The following ARHGAP39 variants were observed in gnomAD, a reference collection of about 807,000 sequenced individuals.
The protein encoded by ARHGAP39 is Rho GTPase activating protein 39, also known as rho GTPase-activating protein 39.
A neutral mutation model predicts 106.9 loss-of-function variants in ARHGAP39; 44 were observed. The observed-to-expected ratio is 0.41, with a 90% confidence interval of 0.32 to 0.53. The LOEUF is 0.53. Among genes scored for constraint, ARHGAP39 ranks in the 20% least tolerant of loss-of-function variants. The pLI, the probability that ARHGAP39 is intolerant of heterozygous loss-of-function variation, is 0.21. For synonymous variants in ARHGAP39, 768 were observed against 693.2 expected (o/e 1.11, Z -1.69); for missense variants, 1,496 against 1,577.3 (o/e 0.95, Z 0.87).
intron 2 of ARHGAP39, among the ~76,000 whole-genome samples, chr8:144,605,334 C>T (rs955040011): frequency 1.6e-4 from 25 of 152,182 alleles, no homozygotes; most frequent in African/African-American, 5.3e-4. Flanking sequence ...CATGGCGACC[C>T]GCATCTGCAG....
At chr8:144,534,611 C>T (rs981955788) in intron 7 of ARHGAP39, among the ~76,000 whole-genome samples, 15 of 152,214 alleles carry the variant, frequency 9.9e-5, no homozygotes, top group Admixed American at 7.8e-4. Context: ...GGCAGGAGCC[C>T]CTGGAGGAGT....
At chr8:144,576,358 GA>G (rs1322179902) in intron 3 of ARHGAP39, among the ~76,000 whole-genome samples, 1 of 99,744 alleles carries the variant, frequency 1.0e-5, no homozygotes, top group Non-Finnish European at 2.1e-5. Flanking sequence ...AAAAAAAAAA[GA>G]ACGAAAAAAA....
Position 144,580,896 on chromosome 8 carries a change from C to A in ARHGAP39, c.462G>T (p.Ala154=). Residue 154 remains alanine (A), a synonymous_variant, in exon 3 of 12, where the codon GCG becomes GCT. Coordinates refer to ENST00000377307, the MANE Select transcript of ARHGAP39 (RefSeq NM_025251.3). ...CAAACGCCGCGGGCCGCCCGGCCCT[C>A]GCTGGCAACTCCTGCGCTTTCTCAG... is the stretch of plus-strand genomic sequence containing the variant. The part of the protein sequence containing the change: ...PDTEKAQELP[A]RAGRPAAFGT... The A allele has an allele frequency of 6.3e-7, 1 of 1,596,160 alleles. No individual in the cohort carries two copies.
intron 5 of ARHGAP39, among the ~76,000 whole-genome samples, 197 bp downstream of exon 5, chr8:144,546,930 G>A (rs998530167): frequency 6.6e-6 from 1 of 152,208 alleles, no homozygotes; most frequent in African/African-American, 2.4e-5. Flanking sequence ...CACACCCCAC[G>A]GGGCCTCCTC....
chr8:144,689,243 A>G (rs1241173605), upstream of ARHGAP39, among the ~76,000 whole-genome samples: 4 of 150,100 alleles, frequency 2.7e-5, no homozygotes, highest in Non-Finnish European at 5.9e-5. Flanking sequence ...TTTTTTTTTT[A>G]CAAATATTTA....
chr8:144,639,338 A>AAAG (rs1554610291), intron 1 of ARHGAP39, among the ~76,000 whole-genome samples: 33 of 146,340 alleles, frequency 2.3e-4, no homozygotes, highest in African/African-American at 8.4e-4. Context: ...AAAAAAAAAA[A>AAAG]AAAGAAAGAA....
At chr8:144,543,575 G>C (rs909588364) in intron 6 of ARHGAP39, among the ~76,000 whole-genome samples, 1 of 152,238 alleles carries the variant, frequency 6.6e-6, no homozygotes, top group Non-Finnish European at 1.5e-5. Context: ...AACCCAGACG[G>C]TGCTGTTGGC....
intron 1 of ARHGAP39, among the ~76,000 whole-genome samples, chr8:144,658,691 A>C (rs1178024739): frequency 6.6e-6 from 1 of 152,146 alleles, no homozygotes. Flanking sequence ...ACAAACAGCG[A>C]AAGACTGACT....
chr8:144,581,445 C>T (rs1215492520), intron 2 of ARHGAP39, among the ~76,000 whole-genome samples, 168 bp from the exon 3 acceptor site: 3 of 152,214 alleles, frequency 2.0e-5, no homozygotes, highest in African/African-American at 7.2e-5. Context: ...CCTGAGCACC[C>T]GCAACCGGGG....
At chr8:144,598,295 G>A (rs1240642566) in intron 2 of ARHGAP39, among the ~76,000 whole-genome samples, 1 of 152,214 alleles carries the variant, frequency 6.6e-6, no homozygotes, top group East Asian at 1.9e-4. Flanking sequence ...TCGGAACCCA[G>A]CCGTGGGCTT....
At position 144,675,066 on chromosome 8, in the gene ARHGAP39, C is replaced by T. The variant is rs1402037043; in HGVS notation, c.-82+10620G>A. Among the ~76,000 whole-genome samples, 4 of 152,110 alleles carry T rather than the reference C, an allele frequency of 2.6e-5. No homozygotes were observed. In the East Asian group the frequency reaches 7.7e-4, roughly 29 times the overall value. ...GTGCCCAGGAGGGCCAGGCTCCCAC[C>T]CCTCCAACTTGGAAGGGGGTGCAGC... On this transcript the variant is annotated intron_variant, in intron 1 of 11. Transcript: ENST00000377307.
intron 1 of ARHGAP39, among the ~76,000 whole-genome samples, chr8:144,614,975 GA>G (rs1820596606): frequency 6.6e-6 from 1 of 152,130 alleles, no homozygotes; most frequent in Admixed American, 6.5e-5. Context: ...GTATGATGTT[GA>G]AAAACTAAGA....
At chr8:144,698,620 A>C in the ARHGAP39 span, 1 of 283,954 alleles carries the variant, frequency 3.5e-6, no homozygotes, top group Non-Finnish European at 7.0e-6. Context: ...TTTTTTGGCA[A>C]TTAGTTAATT....
chr8:144,589,135 G>A (rs925147609), intron 2 of ARHGAP39, among the ~76,000 whole-genome samples: 3 of 152,196 alleles, frequency 2.0e-5, no homozygotes, highest in African/African-American at 7.2e-5. Context: ...CGAGGGTATC[G>A]GTGGCCGGAG....
intron 7 of ARHGAP39, 98 bp downstream of exon 7, chr8:144,537,623 C>G (rs978433436): frequency 2.9e-5 from 29 of 1,005,412 alleles, no homozygotes; most frequent in Non-Finnish European, 4.2e-5. Flanking sequence ...CCATCCCCCC[C>G]GCCCAGAAGC....
chr8:144,642,951 T>G (rs1477569149), intron 1 of ARHGAP39, among the ~76,000 whole-genome samples: 4 of 151,922 alleles, frequency 2.6e-5, no homozygotes, highest in Non-Finnish European at 5.9e-5. Context: ...AGATTGAGGC[T>G]GCCGTGAGCC....
chr8:144,539,202 C>T (rs1817089571), intron 6 of ARHGAP39, among the ~76,000 whole-genome samples: 1 of 152,138 alleles, frequency 6.6e-6, no homozygotes, highest in Non-Finnish European at 1.5e-5. Context: ...TGAGGAAGCC[C>T]CTGTGTGCAC....
intron 1 of ARHGAP39, among the ~76,000 whole-genome samples, chr8:144,651,266 A>G (rs1228035874): frequency 6.6e-6 from 1 of 152,206 alleles, no homozygotes; most frequent in African/African-American, 2.4e-5. Flanking sequence ...AAACACAAAC[A>G]AACAGAAAAA....
chr8:144,542,896 A>G (rs1435715515), intron 6 of ARHGAP39, among the ~76,000 whole-genome samples: 1 of 150,822 alleles, frequency 6.6e-6, no homozygotes, highest in African/African-American at 2.4e-5. Flanking sequence ...TCATGATTGC[A>G]CCACTGCACT....
Sources: allele counts gnomAD v4.1 joint callset (sites outside exome capture counted in the v4.1 genomes callset), GRCh38; gene constraint gnomAD v4.1.1; transcripts MANE v1.5; gene names NCBI Gene and HGNC (gene_info 2026-07-23, HGNC 2026-07-21).